The following ALMS1 variants were observed in gnomAD, a reference collection of about 807,000 sequenced individuals.
The protein encoded by ALMS1 is ALMS1 centrosome and basal body associated protein, also known as centrosome-associated protein ALMS1.
A neutral mutation model predicts 352.2 loss-of-function variants in ALMS1; 271 were observed. The ratio of observed to expected loss-of-function variants is 0.77; its 90% confidence interval spans 0.70 to 0.85. The LOEUF is 0.85. Ranked by LOEUF, ALMS1 falls within the 40% of genes least tolerant of loss-of-function variation. The probability of loss-of-function intolerance (pLI) is 0.00; values close to 1 mark genes in which losing one functional copy is unlikely to be tolerated. For synonymous variants in ALMS1, 1,865 were observed against 1,761.2 expected, an observed-to-expected ratio of 1.06 and a Z score of -1.48; for missense variants, 5,445 against 4,870.7, an observed-to-expected ratio of 1.12 and a Z score of -3.51.
chr2:73,569,046 G>T (rs10181563), intron 15 of ALMS1, among the ~76,000 whole-genome samples: 39,648 of 115,668 alleles, frequency 0.34, 7,424 homozygotes, highest in African/African-American at 0.57. Flanking sequence ...ATGAAGTCTC[G>T]CTCTGTCGCC....
At chr2:73,390,475 A>G (rs1477167179) in intron 1 of ALMS1, among the ~76,000 whole-genome samples, 1 of 152,258 alleles carries the variant, frequency 6.6e-6, no homozygotes, top group Non-Finnish European at 1.5e-5. Flanking sequence ...TATATAAGGC[A>G]GTGATTAAGT....
chr2:73,435,274 T>C (rs1671584213), intron 7 of ALMS1, among the ~76,000 whole-genome samples: 1 of 152,232 alleles, frequency 6.6e-6, no homozygotes. Flanking sequence ...GATTCACATT[T>C]TCTGGCTTAC....
Position 73,490,841 on chromosome 2 carries a change from C to T in ALMS1, c.8882C>T (p.Pro2961Leu), listed in dbSNP as rs781477502. ...CAGGATTCTATAGCTTCAGACCTTC[C>T]GTCTCCCATTTCTCTTGAACAATGC... Reference protein sequence around the residue: ...QGQDSIASDLPSPISLEQCQS... With the variant: ...QGQDSIASDLLSPISLEQCQS... Residue 2961 changes from proline (P) to leucine (L), a missense_variant, in exon 10 of 23, where the codon CCG becomes CTG. By Grantham distance (98) the Pro-to-Leu change is moderately conservative. Transcript: ENST00000613296. 20 of 1,613,886 alleles carry T rather than the reference C, an allele frequency of 1.2e-5. No individual in the cohort carries two copies. Among genetic ancestry groups the T allele is most frequent in the East Asian group, 6.7e-5 (3 of 44,836 alleles).
intron 12 of ALMS1, among the ~76,000 whole-genome samples, chr2:73,549,073 T>G (rs546524754): frequency 2.0e-5 from 3 of 152,178 alleles, no homozygotes; most frequent in Admixed American, 2.0e-4. Flanking sequence ...TACAGGTACT[T>G]ACCCAGCTCT....
At chr2:73,508,495 G>T (rs1412972675) in intron 10 of ALMS1, among the ~76,000 whole-genome samples, 1 of 152,052 alleles carries the variant, frequency 6.6e-6, no homozygotes, top group Non-Finnish European at 1.5e-5. Flanking sequence ...GTGAGCCACC[G>T]CACCCGGCTG....
chr2:73,503,427 C>T (rs1225372929), intron 10 of ALMS1, among the ~76,000 whole-genome samples: 1 of 152,130 alleles, frequency 6.6e-6, no homozygotes, highest in East Asian at 1.9e-4. Context: ...AGGACATGAA[C>T]TCATCATTTT....
intron 1 of ALMS1, among the ~76,000 whole-genome samples, chr2:73,396,936 G>A (rs933131933): frequency 1.4e-4 from 21 of 152,066 alleles, no homozygotes; most frequent in Non-Finnish European, 3.1e-4. Context: ...GAGCTACCGC[G>A]CCCAGCCTGG....
At chr2:73,523,985 G>A (rs1235493524) in intron 11 of ALMS1, among the ~76,000 whole-genome samples, 11 of 152,140 alleles carry the variant, frequency 7.2e-5, no homozygotes, top group Admixed American at 5.9e-4. Flanking sequence ...ATGAGAAATG[G>A]TAGCTACATT....
chr2:73,492,782 C>T (rs151094800), intron 10 of ALMS1, among the ~76,000 whole-genome samples: 166 of 152,148 alleles, frequency 1.1e-3, no homozygotes, highest in African/African-American at 3.9e-3. Flanking sequence ...CTCGCTCTGT[C>T]ACCCAGGCCA....
intron 13 of ALMS1, among the ~76,000 whole-genome samples, chr2:73,552,869 A>G (rs1364903003): frequency 6.6e-6 from 1 of 152,242 alleles, no homozygotes; most frequent in Non-Finnish European, 1.5e-5. Context: ...TAAAAGTGAG[A>G]AAATCTCTTC....
At chr2:73,598,566 T>C (rs1244334344) in intron 16 of ALMS1, among the ~76,000 whole-genome samples, 1 of 152,196 alleles carries the variant, frequency 6.6e-6, no homozygotes, top group African/African-American at 2.4e-5. Context: ...GGATCAGATA[T>C]GCTCAGTTTC....
intron 12 of ALMS1, among the ~76,000 whole-genome samples, chr2:73,542,731 G>A (rs375769323): frequency 1.8e-4 from 28 of 152,114 alleles, no homozygotes; most frequent in Admixed American, 1.4e-3. Context: ...CAGACAAACC[G>A]AGAGCCAAAT....
At chr2:73,505,094 G>A (rs1673294170) in intron 10 of ALMS1, among the ~76,000 whole-genome samples, 2 of 152,124 alleles carry the variant, frequency 1.3e-5, no homozygotes. Flanking sequence ...TGGTATATAT[G>A]TGCCACATTT....
intron 10 of ALMS1, among the ~76,000 whole-genome samples, chr2:73,492,264 C>T (rs993795895): frequency 2.0e-5 from 3 of 151,950 alleles, no homozygotes; most frequent in African/African-American, 4.8e-5. Flanking sequence ...CAGTGGAGAG[C>T]GCTAGGCTTG....
chr2:73,530,659 C>T (rs1341420300), intron 11 of ALMS1, among the ~76,000 whole-genome samples: 2 of 152,374 alleles, frequency 1.3e-5, no homozygotes, highest in Admixed American at 6.5e-5. Flanking sequence ...GGGGCTCCAA[C>T]TCACATTACC....
chr2:73,493,497 C>T (rs984200034), intron 10 of ALMS1, among the ~76,000 whole-genome samples: 4 of 151,754 alleles, frequency 2.6e-5, no homozygotes, highest in South Asian at 2.1e-4. Context: ...CCAAGGTGGG[C>T]GGATCACCTG....
chr2:73,401,620 T>G (rs369906212), intron 1 of ALMS1, among the ~76,000 whole-genome samples: 2 of 152,284 alleles, frequency 1.3e-5, no homozygotes, highest in East Asian at 3.9e-4. Context: ...TACATATACC[T>G]AGTGAAATGG....
At chr2:73,559,398 T>C (rs1031920886) in intron 15 of ALMS1, among the ~76,000 whole-genome samples, 1 of 152,074 alleles carries the variant, frequency 6.6e-6, no homozygotes, top group Non-Finnish European at 1.5e-5. Context: ...TATAAATAAA[T>C]ACCTAAGGCT....
chr2:73,576,325 ATATTT>A (rs1297740162), intron 16 of ALMS1, among the ~76,000 whole-genome samples: 3 of 152,194 alleles, frequency 2.0e-5, no homozygotes, highest in African/African-American at 7.2e-5. Context: ...ATTTTAGTAA[ATATTT>A]TATTGTTTTT....
Sources: allele counts gnomAD v4.1 joint callset (sites outside exome capture counted in the v4.1 genomes callset), GRCh38; gene constraint gnomAD v4.1.1; transcripts MANE v1.5; gene names NCBI Gene and HGNC (gene_info 2026-07-23, HGNC 2026-07-21).